Variants in NUDT3 observed in about 807,000 individuals in gnomAD.
The protein encoded by NUDT3 is nudix hydrolase 3.
In NUDT3, 9 loss-of-function variants were observed where a neutral mutation model predicts 23.6. The observed-to-expected ratio is 0.38, with a 90% CI of 0.23 to 0.66. The LOEUF is 0.66. NUDT3 is among the 30% of genes least tolerant of loss of function. The pLI, the probability that NUDT3 is intolerant of heterozygous loss-of-function variation, is 0.52. For missense variants in NUDT3, 172 were observed against 218.5 expected (o/e 0.79, Z 1.34); for synonymous variants, 86 against 82.6 (o/e 1.04, Z -0.22).
chr6:34,328,176 C>A (rs945706000), intron 2 of NUDT3, among the ~76,000 whole-genome samples: 1 of 152,188 alleles, frequency 6.6e-6, no homozygotes, highest in Non-Finnish European at 1.5e-5. Context: ...CCACAGTGAA[C>A]CACCACGCCC....
intron 2 of NUDT3, among the ~76,000 whole-genome samples, chr6:34,308,822 GA>G (rs553581443): frequency 1.0e-3 from 152 of 152,290 alleles, no homozygotes; most frequent in African/African-American, 3.4e-3. Flanking sequence ...ACTGCAAGGA[GA>G]AGTAGATGAA....
At chr6:34,289,394 CTG>C (rs200304084) in intron 4 of NUDT3, among the ~76,000 whole-genome samples, 6,374 of 152,278 alleles carry the variant, frequency 0.042, 197 homozygotes, top group African/African-American at 0.083. Flanking sequence ...TGGCAAAACT[CTG>C]TCTCTACAAA....
chr6:34,362,302 C>T (rs1179535336), intron 1 of NUDT3, among the ~76,000 whole-genome samples: 2 of 152,162 alleles, frequency 1.3e-5, no homozygotes, highest in Admixed American at 6.5e-5. Flanking sequence ...CCTCAGCCTC[C>T]GGAGTAGCTG....
intron 1 of NUDT3, among the ~76,000 whole-genome samples, chr6:34,380,448 A>C (rs1399930200): frequency 6.6e-6 from 1 of 151,866 alleles, no homozygotes; most frequent in African/African-American, 2.4e-5. Context: ...AAACTCCTAG[A>C]CTCAAGTAAT....
intron 2 of NUDT3, among the ~76,000 whole-genome samples, chr6:34,308,061 C>T (rs1270628622): frequency 4.8e-5 from 6 of 125,476 alleles, no homozygotes; most frequent in African/African-American, 6.0e-5. Context: ...GCAGAGGTTG[C>T]GGTGAACCAA....
chr6:34,345,791 G>A (rs1463966890), intron 1 of NUDT3, among the ~76,000 whole-genome samples: 4 of 151,808 alleles, frequency 2.6e-5, no homozygotes, highest in Admixed American at 6.6e-5. Flanking sequence ...GTTTTGAGAC[G>A]GAGTTTTGCT....
At chr6:34,290,528 A>C (rs1395514092) in intron 4 of NUDT3, among the ~76,000 whole-genome samples, 1 of 149,244 alleles carries the variant, frequency 6.7e-6, no homozygotes, top group African/African-American at 2.5e-5. Context: ...GTCCTATGTC[A>C]CACTATTTCT....
chr6:34,342,401 A>T (rs1357289758), intron 1 of NUDT3, among the ~76,000 whole-genome samples: 1 of 151,850 alleles, frequency 6.6e-6, no homozygotes, highest in Non-Finnish European at 1.5e-5. Flanking sequence ...TCATGGTCCA[A>T]CACTTTCCCT....
chr6:34,335,308 A>G (rs1764192689), intron 2 of NUDT3, among the ~76,000 whole-genome samples: 1 of 152,226 alleles, frequency 6.6e-6, no homozygotes, highest in African/African-American at 2.4e-5. Context: ...AGGTCACCTA[A>G]GAGTCGTGGC....
At chr6:34,358,819 C>CA (rs1554156527) in intron 1 of NUDT3, among the ~76,000 whole-genome samples, 1 of 149,588 alleles carries the variant, frequency 6.7e-6, no homozygotes, top group Non-Finnish European at 1.5e-5. Flanking sequence ...AACATGAGAA[C>CA]AAAAAAAAGA....
intron 1 of NUDT3, among the ~76,000 whole-genome samples, chr6:34,368,826 G>C (rs1379767283): frequency 6.6e-6 from 1 of 152,184 alleles, no homozygotes; most frequent in East Asian, 1.9e-4. Context: ...TTTTAGCAGA[G>C]ACGGGGTTTC....
chr6:34,359,075 A>G (rs1764606549), intron 1 of NUDT3, among the ~76,000 whole-genome samples: 1 of 152,180 alleles, frequency 6.6e-6, no homozygotes, highest in African/African-American at 2.4e-5. Context: ...TAACGACCAC[A>G]TTAAGATTGA....
At chr6:34,322,213 A>G (rs1340950207) in intron 2 of NUDT3, among the ~76,000 whole-genome samples, 1 of 151,996 alleles carries the variant, frequency 6.6e-6, no homozygotes, top group African/African-American at 2.4e-5. Flanking sequence ...GAGGCATTTT[A>G]TAAGACAACT....
intron 2 of NUDT3, among the ~76,000 whole-genome samples, chr6:34,302,594 T>C (rs754202658): frequency 1.1e-4 from 16 of 152,120 alleles, no homozygotes; most frequent in Non-Finnish European, 2.2e-4. Flanking sequence ...TAGCCGAGCA[T>C]GGTGGCGTGT....
At chr6:34,389,394 G>T (rs906017183) in intron 1 of NUDT3, among the ~76,000 whole-genome samples, 4 of 152,214 alleles carry the variant, frequency 2.6e-5, no homozygotes, top group African/African-American at 9.6e-5. Context: ...CCCCAGCCAT[G>T]TATAACTGTG....
At chr6:34,351,197 C>CAAAAA (rs1347212261) in intron 1 of NUDT3, among the ~76,000 whole-genome samples, 3 of 10,966 alleles carry the variant, frequency 2.7e-4, no homozygotes, top group Admixed American at 1.3e-3. Context: ...ACTCCCCTGC[C>CAAAAA]TAAAAAAAAA....
At chr6:34,340,300 G>A (rs575797859) in intron 2 of NUDT3, among the ~76,000 whole-genome samples, 1 of 152,278 alleles carries the variant, frequency 6.6e-6, no homozygotes, top group East Asian at 1.9e-4. Context: ...AGAACAGTAA[G>A]GGGCATAATA....
At position 34,320,202 on chromosome 6, in the gene NUDT3, T is replaced by C. The variant is rs190407415; in HGVS notation, c.210+21660A>G. 3.4e-3 allele frequency among the ~76,000 whole-genome samples: 519 copies of C among 152,202 alleles called. 5 individuals carry two copies. The highest frequency in any genetic ancestry group is 7.7e-3 in the Admixed American group (117 of 15,288). On this transcript the variant is annotated intron_variant, in intron 2 of 4. Transcript: ENST00000607016. ...TGTTACTAGTGGCGAGTATGAAAAT[T>C]TTAAATTTTGTTCTTTTTACTTTTC... is the stretch of plus-strand genomic sequence containing the variant.
chr6:34,353,525 C>G (rs921652092), intron 1 of NUDT3, among the ~76,000 whole-genome samples: 1 of 151,968 alleles, frequency 6.6e-6, no homozygotes, highest in Non-Finnish European at 1.5e-5. Flanking sequence ...CCTCAGCCTC[C>G]CGAGTAGCTG....
Sources: gnomAD v4.1 joint callset for allele counts (sites outside exome capture counted in the v4.1 genomes callset) on GRCh38, gnomAD v4.1.1 for gene constraint, MANE v1.5 for transcripts, NCBI Gene and HGNC (gene_info 2026-07-23, HGNC 2026-07-21) for gene names.